SPOCK1: variants seen among roughly 807,000 people sequenced by gnomAD.
SPOCK1 encodes testican-1.
A neutral mutation model predicts 55.3 loss-of-function variants in SPOCK1; 23 were observed. The observed-to-expected ratio is 0.42, with a 90% CI of 0.30 to 0.59. The LOEUF (loss-of-function observed/expected upper bound fraction) is 0.59. Among genes scored for constraint, SPOCK1 ranks in the 20% least tolerant of loss-of-function variants. SPOCK1 has a pLI of 0.22. For synonymous variants in SPOCK1, 226 were observed against 221.0 expected (o/e 1.02, Z -0.20); for missense variants, 499 against 552.5 (o/e 0.90, Z 0.97).
intron 4 of SPOCK1, among the ~76,000 whole-genome samples, chr5:137,122,640 C>G (rs527250539): frequency 1.3e-5 from 2 of 152,292 alleles, no homozygotes; most frequent in Non-Finnish European, 2.9e-5. Context: ...TCAAGCAAAC[C>G]CACGGCTGAG....
chr5:137,249,841 G>A (rs1232359787), intron 3 of SPOCK1, among the ~76,000 whole-genome samples: 4 of 152,144 alleles, frequency 2.6e-5, no homozygotes, highest in African/African-American at 9.7e-5. Flanking sequence ...AAGGCAAGTA[G>A]TATTTTTAGT....
chr5:137,408,899 G>A (rs2127187887), intron 2 of SPOCK1, among the ~76,000 whole-genome samples: 1 of 152,286 alleles, frequency 6.6e-6, no homozygotes, highest in East Asian at 1.9e-4. Flanking sequence ...CAAAAAAATG[G>A]GAGGATAACT....
chr5:137,469,357 C>A (rs1381425992), intron 2 of SPOCK1, among the ~76,000 whole-genome samples: 4 of 152,130 alleles, frequency 2.6e-5, no homozygotes, highest in African/African-American at 4.8e-5. Context: ...GAGTTGGAAC[C>A]TTTAAATTCA....
chr5:137,417,131 C>T (rs1377288557), intron 2 of SPOCK1, among the ~76,000 whole-genome samples: 1 of 151,876 alleles, frequency 6.6e-6, no homozygotes, highest in African/African-American at 2.4e-5. Context: ...GCAGGTGTCT[C>T]ATCTTTTCAT....
At chr5:137,396,745 G>A (rs1022557334) in intron 2 of SPOCK1, among the ~76,000 whole-genome samples, 2 of 152,124 alleles carry the variant, frequency 1.3e-5, no homozygotes, top group Admixed American at 1.3e-4. Context: ...TTATAGCCAG[G>A]AGAAAAAACC....
intron 2 of SPOCK1, among the ~76,000 whole-genome samples, chr5:137,448,710 C>G (rs928043184): frequency 4.6e-5 from 7 of 152,204 alleles, no homozygotes; most frequent in Non-Finnish European, 7.3e-5. Context: ...CAATTTGAAT[C>G]ATTCATTCAG....
intron 4 of SPOCK1, among the ~76,000 whole-genome samples, chr5:137,138,319 C>T (rs1047944362): frequency 6.6e-6 from 1 of 152,118 alleles, no homozygotes; most frequent in Non-Finnish European, 1.5e-5. Flanking sequence ...CACAGAAACA[C>T]GGCATGCCCA....
chr5:137,332,719 T>C (rs1421523540), intron 2 of SPOCK1, among the ~76,000 whole-genome samples: 1 of 152,226 alleles, frequency 6.6e-6, no homozygotes, highest in African/African-American at 2.4e-5. Flanking sequence ...TATATATGTA[T>C]GTGTGTAGAT....
intron 3 of SPOCK1, among the ~76,000 whole-genome samples, chr5:137,140,951 G>A (rs1207489155): frequency 6.6e-6 from 1 of 151,792 alleles, no homozygotes; most frequent in East Asian, 1.9e-4. Flanking sequence ...ATAGAGATGG[G>A]GTTTCACCAT....
Position 137,413,238 on chromosome 5 carries a change from T to C in SPOCK1, c.186+85135A>G, listed in dbSNP as rs138086883. 3.6e-3 allele frequency among the ~76,000 whole-genome samples: 547 copies of C among 152,284 alleles called. 5 individuals carry two copies. The highest frequency in any genetic ancestry group is 0.012 in the African/African-American group (514 of 41,548). On this transcript the variant is annotated intron_variant, in intron 2 of 10. Coordinates refer to ENST00000394945, the MANE Select transcript of SPOCK1 (RefSeq NM_004598.4). ...TGACTCTTCGTCTATTTTGGGTTTT[T>C]TTTCCCCAGAATTATACTGCATTTA...
In SPOCK1 at chr5:136,976,778, C is replaced by T. The variant is rs901934773; in HGVS notation, c.*1876G>A. 6.6e-5 allele frequency: 10 copies of T among 152,162 alleles called. No homozygotes were observed. Among genetic ancestry groups the T allele is most frequent in the East Asian group, 1.9e-4 (1 of 5,200 alleles). The allele number at this position is 152,162 out of a possible 1,614,324, so 9.4% of individuals were successfully genotyped here. A position where few individuals can be genotyped will look rare whatever the true frequency, so the allele number is the denominator to read the frequency against. ...AAGTACAAAACCTCAGGGTTATTTACGAAGCCAAAGGACTTTGCTATATCA... is the reference window on the plus strand; with the variant it reads ...AAGTACAAAACCTCAGGGTTATTTATGAAGCCAAAGGACTTTGCTATATCA... On this transcript the variant is annotated 3_prime_UTR_variant, in exon 11 of 11. Transcript: ENST00000394945.
intron 6 of SPOCK1, among the ~76,000 whole-genome samples, chr5:137,019,420 T>G (rs1751515654): frequency 6.6e-6 from 1 of 152,146 alleles, no homozygotes; most frequent in African/African-American, 2.4e-5. Context: ...GATTGTATTG[T>G]GAGTGTATTC....
rs867862286 is a variant in SPOCK1, at chr5:137,276,410, G to A, written c.187-9355C>T. Reference sequence around the variant, plus strand: ...CCTGCTGTGTGATCTGCAGCCCCCTGGGCTGCCTGAACAGAGCACTGAACT... The same window carrying A: ...CCTGCTGTGTGATCTGCAGCCCCCTAGGCTGCCTGAACAGAGCACTGAACT... On this transcript the variant is annotated intron_variant, in intron 2 of 10. Coordinates refer to ENST00000394945, the MANE Select transcript of SPOCK1 (RefSeq NM_004598.4). 1.1e-4 allele frequency among the ~76,000 whole-genome samples: 16 copies of A among 152,264 alleles called. 1 individual carries two copies. Among genetic ancestry groups the A allele is most frequent in the Middle Eastern group, 6.8e-3 (2 of 294 alleles).
chr5:137,415,475 G>A (rs1041660220), intron 2 of SPOCK1, among the ~76,000 whole-genome samples: 4 of 152,216 alleles, frequency 2.6e-5, no homozygotes, highest in Admixed American at 2.0e-4. Flanking sequence ...GGGTCCTCTA[G>A]GATGAGGTCA....
intron 3 of SPOCK1, among the ~76,000 whole-genome samples, chr5:137,228,859 T>A (rs534388505): frequency 6.6e-6 from 1 of 152,336 alleles, no homozygotes; most frequent in African/African-American, 2.4e-5. Flanking sequence ...GATAATGGAT[T>A]TACCTCGGAG....
At chr5:137,192,232 CAAAAAAAAAAAAAA>C (rs60401497) in intron 3 of SPOCK1, among the ~76,000 whole-genome samples, 1 of 68,250 alleles carries the variant, frequency 1.5e-5, no homozygotes, top group South Asian at 5.9e-4. Flanking sequence ...GACTCTGTCT[CAAAAAAAAAAAAAA>C]AAAAAAAAAG....
chr5:137,347,803 A>G (rs1465279332), intron 2 of SPOCK1, among the ~76,000 whole-genome samples: 2 of 152,168 alleles, frequency 1.3e-5, no homozygotes, highest in Non-Finnish European at 2.9e-5. Context: ...ACCCAGAGCC[A>G]CGCCTCCTCT....
intron 3 of SPOCK1, among the ~76,000 whole-genome samples, chr5:137,205,381 T>C (rs1235727368): frequency 6.6e-6 from 1 of 152,058 alleles, no homozygotes; most frequent in Non-Finnish European, 1.5e-5. Flanking sequence ...GGGTAGTGAG[T>C]TTCCTAGGCC....
intron 3 of SPOCK1, among the ~76,000 whole-genome samples, chr5:137,210,610 A>G (rs984681414): frequency 6.6e-6 from 1 of 152,178 alleles, no homozygotes; most frequent in Admixed American, 6.5e-5. Flanking sequence ...GTCTGGGACT[A>G]GGGGGCATCT....
Sources: allele counts gnomAD v4.1 joint callset (sites outside exome capture counted in the v4.1 genomes callset), GRCh38; gene constraint gnomAD v4.1.1; transcripts MANE v1.5; gene names NCBI Gene and HGNC (gene_info 2026-07-23, HGNC 2026-07-21).